The following CUEDC1 variants were observed in gnomAD, a reference collection of about 807,000 sequenced individuals.
CUEDC1 encodes the protein CUE domain containing 1, also known as CUE domain-containing protein 1.
In CUEDC1, 30 loss-of-function variants were observed where a neutral mutation model predicts 43.7. That is an observed-to-expected ratio of 0.69 (90% CI 0.51 to 0.93). The LOEUF is 0.93. Among genes scored for constraint, CUEDC1 ranks in the 40% least tolerant of loss-of-function variants. CUEDC1 has a pLI of 0.00. For missense variants in CUEDC1, 486 were observed against 549.0 expected, an observed-to-expected ratio of 0.89 and a Z score of 1.15; for synonymous variants, 223 against 223.6, an observed-to-expected ratio of 1.00 and a Z score of 0.02.
Position 57,948,767 on chromosome 17 carries a change from T to C in CUEDC1, c.-316+6458A>G, listed in dbSNP as rs117245909. ...TACATCTCACATCCTATCTGGAATG[T>C]CTTCCTCATACCTTACTTGAATCCT... On this transcript the variant is annotated intron_variant, in intron 1 of 10. Coordinates refer to ENST00000577830, the MANE Select transcript of CUEDC1 (RefSeq NM_001271875.2). Among the ~76,000 whole-genome samples the C allele has an allele frequency of 2.7e-4, 41 of 152,304 alleles. No individual in the cohort carries two copies. In the East Asian group the frequency reaches 7.7e-3, roughly 29 times the overall value.
In CUEDC1 at chr17:57,878,470, G is replaced by A. The variant is rs574048131; in HGVS notation, c.464+1141C>T. ...GAGAAGGGAAGATCTAACTGGGACAGGTGCCCTGTCCCATCATCTCCCCAC... is the reference window on the plus strand; with the variant it reads ...GAGAAGGGAAGATCTAACTGGGACAAGTGCCCTGTCCCATCATCTCCCCAC... On this transcript the variant is annotated intron_variant, in intron 3 of 10. Transcript: ENST00000577830. Among the ~76,000 whole-genome samples, 413 of 152,084 alleles carry A rather than the reference G, an allele frequency of 2.7e-3. 1 individual carries two copies. The highest frequency in any genetic ancestry group is 6.6e-3 in the Admixed American group (100 of 15,258).
rs779714546 is a variant in CUEDC1, at chr17:57,885,388, G to A, written c.177C>T (p.Pro59=). Residue 59 remains proline (P), a synonymous_variant, in exon 2 of 11, where the codon CCC becomes CCT. Coordinates refer to ENST00000577830, the MANE Select transcript of CUEDC1 (RefSeq NM_001271875.2). ...QAMDDFKTMF[P]NMDYDIIECV... is the part of the protein sequence containing the mutation. The stretch of plus-strand genomic sequence containing the variant: ...ATTCGATGATGTCGTAATCCATGTT[G>A]GGGAACATGGTCTTGAAGTCGTCCA... The A allele has an allele frequency of 3.1e-6, 5 of 1,611,556 alleles. No homozygotes were observed. Among genetic ancestry groups the A allele is most frequent in the Non-Finnish European group, 4.2e-6 (5 of 1,179,502 alleles).
intron 3 of CUEDC1, among the ~76,000 whole-genome samples, chr17:57,875,542 G>A (rs2074109729): frequency 1.3e-5 from 2 of 152,254 alleles, no homozygotes; most frequent in Admixed American, 6.5e-5. Context: ...CTCCATTGTG[G>A]TCGGAAAGGA....
chr17:57,890,444 G>C (rs1008040657), intron 1 of CUEDC1, among the ~76,000 whole-genome samples: 3 of 152,144 alleles, frequency 2.0e-5, no homozygotes, highest in African/African-American at 7.2e-5. Flanking sequence ...CATAACCCCT[G>C]ACTGGCTTCT....
At chr17:57,928,080 C>T (rs1451055169) in intron 1 of CUEDC1, among the ~76,000 whole-genome samples, 1 of 152,222 alleles carries the variant, frequency 6.6e-6, no homozygotes, top group East Asian at 1.9e-4. Context: ...GTGAAGCTTA[C>T]AGCCTGGCAC....
intron 3 of CUEDC1, among the ~76,000 whole-genome samples, chr17:57,875,941 G>A (rs140291762): frequency 1.0e-3 from 155 of 152,194 alleles, no homozygotes; most frequent in African/African-American, 3.5e-3. Flanking sequence ...GCAAAACCTG[G>A]GCCCAGGGAT....
At chr17:57,931,484 A>G (rs1598017504) in intron 1 of CUEDC1, among the ~76,000 whole-genome samples, 1 of 152,106 alleles carries the variant, frequency 6.6e-6, no homozygotes, top group East Asian at 1.9e-4. Flanking sequence ...CCTCTAAAGA[A>G]GTGGGGAATA....
chr17:57,915,731 G>A (rs1349827745), intron 1 of CUEDC1, among the ~76,000 whole-genome samples: 2 of 152,170 alleles, frequency 1.3e-5, no homozygotes, highest in African/African-American at 2.4e-5. Flanking sequence ...TGCTACCCCC[G>A]GCTGTTTGGG....
chr17:57,884,536 C>T (rs1279674061), intron 2 of CUEDC1, among the ~76,000 whole-genome samples: 1 of 152,154 alleles, frequency 6.6e-6, no homozygotes. Flanking sequence ...CTTTGTCAAC[C>T]TCATTGATCT....
At chr17:57,891,133 A>G (rs771482250) in intron 1 of CUEDC1, among the ~76,000 whole-genome samples, 1 of 152,016 alleles carries the variant, frequency 6.6e-6, no homozygotes, top group Admixed American at 6.5e-5. Context: ...ATGTGCTCCA[A>G]CCTCTCATGG....
At chr17:57,879,812 A>C in intron 2 of CUEDC1, 74 bp from the exon 3 acceptor site, 1 of 1,449,868 alleles carries the variant, frequency 6.9e-7, no homozygotes, top group Non-Finnish European at 9.4e-7. Context: ...GACAAAATCA[A>C]GTGTGGGAGG....
rs762829876 is a variant in CUEDC1 at position 57,869,166 on chromosome 17, G to A, written c.896C>T (p.Ser299Phe). The A allele has an allele frequency of 1.9e-6, 3 of 1,613,994 alleles. No homozygotes were observed. Among genetic ancestry groups the A allele is most frequent in the Non-Finnish European group, 1.7e-6 (2 of 1,180,004 alleles). ...CTTGTCCCTGAATAAGGCATCTTCA[G>A]ACACAGCGGGGTTGGCGTCGCCAGT... ...PGTGDANPAV[S>F]EDALFRDKLK... Residue 299 changes from serine to phenylalanine, a missense_variant, in exon 7 of 11, where the codon TCT (serine) becomes TTT (phenylalanine). Ser to Phe is a radical substitution (Grantham distance 155). Transcript: ENST00000577830.
In CUEDC1 at chr17:57,954,054, T is replaced by C. The variant is rs2075032201; in HGVS notation, c.-316+1171A>G. Among the ~76,000 whole-genome samples, 1 of 152,206 alleles carries C rather than the reference T, an allele frequency of 6.6e-6. No homozygotes were observed. The highest frequency in any genetic ancestry group is 1.5e-5 in the Non-Finnish European group (1 of 68,030). On this transcript the variant is annotated intron_variant, in intron 1 of 10. Transcript: ENST00000577830. The surrounding 1 kb of genome is among the most constrained non-coding windows in gnomAD (Gnocchi z 4.3). The stretch of plus-strand genomic sequence containing the variant: ...GCAGGGGCCCAACCACATGGTGAGA[T>C]GACTTCCTCCGTGAGAGAATTCCTG...
intron 1 of CUEDC1, among the ~76,000 whole-genome samples, chr17:57,916,729 T>C (rs1327137219): frequency 1.3e-5 from 2 of 151,964 alleles, no homozygotes; most frequent in Non-Finnish European, 2.9e-5. Context: ...TGGGCCCCGC[T>C]CTCGAGAACC....
intron 9 of CUEDC1, 169 bp from the exon 10 acceptor site, chr17:57,866,713 G>C: frequency 1.6e-6 from 1 of 615,612 alleles, no homozygotes; most frequent in Non-Finnish European, 2.8e-6. Flanking sequence ...AGAGGCAGCA[G>C]GACACTCAGG....
In CUEDC1 at chr17:57,940,935, G is replaced by A. The variant is rs150818722; in HGVS notation, c.-316+14290C>T. On this transcript the variant is annotated intron_variant, in intron 1 of 10. Coordinates refer to ENST00000577830, the MANE Select transcript of CUEDC1 (RefSeq NM_001271875.2). ...CTAACCTGAGCCCCAGAGAAGCTAAGCTGCCAGGAGGCAAAGACAGCTTGT... is the reference window on the plus strand; with the variant it reads ...CTAACCTGAGCCCCAGAGAAGCTAAACTGCCAGGAGGCAAAGACAGCTTGT... Among the ~76,000 whole-genome samples the A allele has an allele frequency of 7.3e-3, 1,106 of 152,320 alleles. 22 individuals carry two copies. Among genetic ancestry groups the A allele is most frequent in the African/African-American group, 0.026 (1,065 of 41,558 alleles).
chr17:57,931,384 A>G (rs1056981412), intron 1 of CUEDC1, among the ~76,000 whole-genome samples: 10 of 152,254 alleles, frequency 6.6e-5, no homozygotes, highest in Admixed American at 3.9e-4. Flanking sequence ...TCGCTCATTC[A>G]TTCAAAAACA....
chr17:57,900,310 C>A (rs8080755), intron 1 of CUEDC1, among the ~76,000 whole-genome samples: 2 of 151,958 alleles, frequency 1.3e-5, no homozygotes, highest in African/African-American at 4.8e-5. Context: ...CTGGGGGAGC[C>A]GGTCAGGACC....
chr17:57,869,292 A>G (rs747753719), intron 6 of CUEDC1, 99 bp from the exon 7 acceptor site: 20 of 1,039,898 alleles, frequency 1.9e-5, no homozygotes, highest in Non-Finnish European at 2.8e-5. Flanking sequence ...AAGAAAGAGC[A>G]GGCTTCTTCC....
Sources: gnomAD v4.1 joint callset for allele counts (sites outside exome capture counted in the v4.1 genomes callset) on GRCh38, gnomAD v4.1.1 for gene constraint, Gnocchi (gnomAD v3.1) non-coding constraint, MANE v1.5 for transcripts, NCBI Gene and HGNC (gene_info 2026-07-23, HGNC 2026-07-21) for gene names.